The following PTPRE variants were observed in gnomAD, a reference collection of about 807,000 sequenced individuals.
The protein encoded by PTPRE is receptor-type tyrosine-protein phosphatase epsilon.
In PTPRE, 51 loss-of-function variants were observed where a neutral mutation model predicts 102.0. The ratio of observed to expected loss-of-function variants is 0.50; its 90% confidence interval spans 0.40 to 0.63. The LOEUF (loss-of-function observed/expected upper bound fraction) is 0.63, where lower values mean the gene tolerates loss of function less well. Ranked by LOEUF, PTPRE falls within the 30% of genes least tolerant of loss-of-function variation. PTPRE has a pLI of 0.00. For synonymous variants in PTPRE, 345 were observed against 348.2 expected (o/e 0.99, Z 0.10); for missense variants, 752 against 915.1 (o/e 0.82, Z 2.30).
At chr10:128,053,924 C>T (rs1046520674) in intron 6 of PTPRE, among the ~76,000 whole-genome samples, 3 of 152,028 alleles carry the variant, frequency 2.0e-5, no homozygotes, top group African/African-American at 7.2e-5. Flanking sequence ...CCATGCCCAG[C>T]TAATTTTTGT....
chr10:127,945,898 A>C (rs1439933476), intron 1 of PTPRE, among the ~76,000 whole-genome samples: 1 of 152,102 alleles, frequency 6.6e-6, no homozygotes, highest in Non-Finnish European at 1.5e-5. Context: ...ATTGTAGCTC[A>C]TGAAGAAAAG....
chr10:127,963,856 A>C (rs1030972855), intron 1 of PTPRE, among the ~76,000 whole-genome samples: 1 of 152,178 alleles, frequency 6.6e-6, no homozygotes, highest in East Asian at 1.9e-4. Flanking sequence ...CTGCACAGGG[A>C]GTCCGCAGTG....
chr10:128,015,609 A>G (rs975381007), intron 2 of PTPRE, among the ~76,000 whole-genome samples: 1 of 151,946 alleles, frequency 6.6e-6, no homozygotes, highest in South Asian at 2.1e-4. Context: ...TTCGTGATCC[A>G]CCCGCCTCAG....
At chr10:128,065,847 A>G (rs1850036712) in intron 10 of PTPRE, among the ~76,000 whole-genome samples, 1 of 152,230 alleles carries the variant, frequency 6.6e-6, no homozygotes, top group African/African-American at 2.4e-5. Context: ...TGCTGTCTAC[A>G]TCAGAAAGCC....
intron 6 of PTPRE, among the ~76,000 whole-genome samples, chr10:128,052,617 C>T (rs1425077199): frequency 3.3e-5 from 5 of 152,188 alleles, no homozygotes; most frequent in Admixed American, 6.5e-5. Context: ...GGAAAGTCTG[C>T]TTCCAGGCCC....
chr10:128,007,899 T>C (rs1299713163), intron 2 of PTPRE, among the ~76,000 whole-genome samples: 6 of 152,206 alleles, frequency 3.9e-5, no homozygotes, highest in African/African-American at 9.6e-5. Flanking sequence ...CTGTACATGA[T>C]TGTCTCTGAA....
At chr10:128,005,961 G>A (rs1854499367) in intron 2 of PTPRE, among the ~76,000 whole-genome samples, 2 of 152,044 alleles carry the variant, frequency 1.3e-5, no homozygotes, top group Admixed American at 6.5e-5. Flanking sequence ...TCTTCATGTG[G>A]CCTTCCTCTC....
chr10:127,942,262 A>G (rs1042356915), intron 1 of PTPRE, among the ~76,000 whole-genome samples: 6 of 152,224 alleles, frequency 3.9e-5, no homozygotes, highest in Non-Finnish European at 8.8e-5. Context: ...CTGAGGCTCT[A>G]ATCACTATCA....
At chr10:127,982,754 C>T (rs556222496) in intron 2 of PTPRE, among the ~76,000 whole-genome samples, 11 of 152,182 alleles carry the variant, frequency 7.2e-5, no homozygotes, top group East Asian at 3.9e-4. Flanking sequence ...GGAGCTTCTC[C>T]GGATTGCATG....
intron 1 of PTPRE, among the ~76,000 whole-genome samples, chr10:127,967,697 A>G (rs1254507476): frequency 2.6e-5 from 4 of 152,344 alleles, no homozygotes; most frequent in Middle Eastern, 3.4e-3. Context: ...TGCACCAGTC[A>G]TAAGCACACA....
chr10:128,003,972 A>G (rs1428156068), intron 2 of PTPRE, among the ~76,000 whole-genome samples: 2 of 148,956 alleles, frequency 1.3e-5, no homozygotes, highest in African/African-American at 4.9e-5. Flanking sequence ...AGAGGAAGCC[A>G]TGTCATCTAC....
intron 1 of PTPRE, among the ~76,000 whole-genome samples, chr10:127,954,117 C>T (rs1329069446): frequency 6.6e-6 from 1 of 152,184 alleles, no homozygotes; most frequent in Admixed American, 6.5e-5. Context: ...ATGACCTGTT[C>T]TGTGAATATT....
chr10:127,982,489 CGTGTGTGTGTGTGTGTGTGTGTGTGT>C (rs59170572), intron 2 of PTPRE, among the ~76,000 whole-genome samples, 193 bp downstream of exon 2: 1,540 of 142,718 alleles, frequency 0.011, 12 homozygotes, highest in Middle Eastern at 0.064. Context: ...ACATCATTTG[CGTGTGTGTGTGTGTGTGTGTGTGTGT>C]GTGTGTGTGT....
intron 10 of PTPRE, 123 bp downstream of exon 10, chr10:128,063,303 A>C (rs1849777317): frequency 6.8e-7 from 1 of 1,479,944 alleles, no homozygotes; most frequent in South Asian, 1.3e-5. Flanking sequence ...TGCAGAAAAA[A>C]ACCCAAACAC....
chr10:127,957,743 G>C (rs771770260), intron 1 of PTPRE, among the ~76,000 whole-genome samples: 1 of 152,178 alleles, frequency 6.6e-6, no homozygotes, highest in Non-Finnish European at 1.5e-5. Context: ...AAAATAACTT[G>C]GTGGAGATTT....
intron 5 of PTPRE, among the ~76,000 whole-genome samples, chr10:128,048,542 T>G (rs1287299702): frequency 6.6e-6 from 1 of 152,126 alleles, no homozygotes; most frequent in African/African-American, 2.4e-5. Flanking sequence ...CTTAGATCAT[T>G]AAAAGAATAT....
In PTPRE at chr10:128,008,709, A is replaced by G. The variant is rs1844722648; in HGVS notation, c.-8+26413A>G. Among the ~76,000 whole-genome samples the G allele has an allele frequency of 1.3e-5, 2 of 152,312 alleles. No homozygotes were observed. The highest frequency in any genetic ancestry group is 3.4e-3 in the Middle Eastern group (1 of 294). ...GCCAGGACTCAAGGATGTAAGAAGT[A>G]GGAGACGCAGGATCAGGGGCACAGA... On this transcript the variant is annotated intron_variant, in intron 2 of 20. Coordinates refer to ENST00000254667, the MANE Select transcript of PTPRE (RefSeq NM_006504.6). The surrounding 1 kb of genome is among the most constrained non-coding windows in gnomAD (Gnocchi z 4.0).
At chr10:127,953,997 T>A (rs1849224664) in intron 1 of PTPRE, among the ~76,000 whole-genome samples, 1 of 152,206 alleles carries the variant, frequency 6.6e-6, no homozygotes, top group South Asian at 2.1e-4. Context: ...GGAAGAGGTA[T>A]GTGGATAGAC....
chr10:127,977,442 A>G (rs879156385), intron 1 of PTPRE, among the ~76,000 whole-genome samples: 1 of 152,244 alleles, frequency 6.6e-6, no homozygotes, highest in East Asian at 1.9e-4. Flanking sequence ...TACTCGTTTA[A>G]AAGACTAGCT....
Sources: gnomAD v4.1 joint callset for allele counts (sites outside exome capture counted in the v4.1 genomes callset) on GRCh38, gnomAD v4.1.1 for gene constraint, Gnocchi (gnomAD v3.1) non-coding constraint, MANE v1.5 for transcripts, NCBI Gene and HGNC (gene_info 2026-07-23, HGNC 2026-07-21) for gene names.